Variants in KCTD15 observed in about 807,000 individuals in gnomAD.
The protein encoded by KCTD15 is BTB/POZ domain-containing protein KCTD15.
A neutral mutation model predicts 27.2 loss-of-function variants in KCTD15; 11 were observed. The observed-to-expected ratio is 0.41, with a 90% CI of 0.25 to 0.67. KCTD15 has a LOEUF of 0.67. KCTD15 is among the 30% of genes least tolerant of loss of function. The pLI, the probability that KCTD15 is intolerant of heterozygous loss-of-function variation, is 0.35. For synonymous variants in KCTD15, 163 were observed against 176.0 expected (o/e 0.93, Z 0.58); for missense variants, 350 against 409.3 (o/e 0.86, Z 1.25).
At chr19:33,806,118 G>A (rs1033331883) in intron 4 of KCTD15, among the ~76,000 whole-genome samples, 2 of 152,212 alleles carry the variant, frequency 1.3e-5, no homozygotes, top group Non-Finnish European at 2.9e-5. Flanking sequence ...GTGTATGCCT[G>A]TGTTGTGGCA....
intron 4 of KCTD15, 168 bp downstream of exon 4, chr19:33,801,510 G>C: frequency 1.7e-6 from 1 of 574,728 alleles, no homozygotes; most frequent in South Asian, 2.6e-5. Flanking sequence ...GTCCAAGTCT[G>C]CCTGTTGAAA....
At chr19:33,811,874 A>T in intron 6 of KCTD15, 1 of 1,595,304 alleles carries the variant, frequency 6.3e-7, no homozygotes, top group Non-Finnish European at 8.5e-7. Context: ...ATTCGAACTA[A>T]ACCCAGGCAA....
intron 3 of KCTD15, 76 bp from the exon 4 acceptor site, chr19:33,801,091 G>T (rs1218011933): frequency 7.4e-7 from 1 of 1,354,854 alleles, no homozygotes; most frequent in East Asian, 2.3e-5. Context: ...AATAAAGGGA[G>T]TGCATGGCTG....
intron 5 of KCTD15, among the ~76,000 whole-genome samples, chr19:33,808,381 C>T (rs1286957909): frequency 1.3e-5 from 2 of 152,138 alleles, no homozygotes; most frequent in Non-Finnish European, 2.9e-5. Context: ...GTCCATGTGA[C>T]CTGGGCTGGG....
chr19:33,815,014 A>G lies in KCTD15; in HGVS notation c.*2066A>G, dbSNP rs1480686662. Reference sequence around the variant, plus strand: ...CTGCGTTTTGGCATCTGAGGCTCCCATCTGAGTGGAGGAGAAAGTGTTGTG... The same window carrying G: ...CTGCGTTTTGGCATCTGAGGCTCCCGTCTGAGTGGAGGAGAAAGTGTTGTG... On this transcript the variant is annotated 3_prime_UTR_variant, in exon 7 of 7. Transcript: ENST00000683859. The G allele has an allele frequency of 6.6e-6, 1 of 152,188 alleles. No individual in the cohort carries two copies. The highest frequency in any genetic ancestry group is 1.5e-5 in the Non-Finnish European group (1 of 68,040). The allele number at this position is 152,188 out of a possible 1,614,324, so 9.4% of individuals were successfully genotyped here. A position where few individuals can be genotyped will look rare whatever the true frequency, so the allele number is the denominator to read the frequency against.
intron 4 of KCTD15, among the ~76,000 whole-genome samples, chr19:33,803,561 G>A (rs558118932): frequency 6.6e-6 from 1 of 152,148 alleles, no homozygotes; most frequent in East Asian, 1.9e-4. Flanking sequence ...GGTTGGGGTG[G>A]CCTGGGTGCT....
intron 1 of KCTD15, chr19:33,797,466 C>T (rs1438035557): frequency 2.1e-5 from 9 of 437,290 alleles, no homozygotes; most frequent in Non-Finnish European, 3.7e-5. Context: ...GACAGATGTG[C>T]GTCCTCTGAC....
chr19:33,804,628 C>T (rs1975659077), intron 4 of KCTD15, among the ~76,000 whole-genome samples: 1 of 152,234 alleles, frequency 6.6e-6, no homozygotes, highest in Non-Finnish European at 1.5e-5. Flanking sequence ...CAGCCTGGGA[C>T]AGACCCATCT....
In KCTD15 at chr19:33,797,263, TGTGTGTGTGTGTGTGTGTGTGCGC is replaced by T. The variant is rs1291676300; in HGVS notation, c.-127+278_-127+301del. Reference sequence around the variant, plus strand: ...CTGCCGCGCGGTGTGTGTGTGTGTGTGTGTGTGTGTGTGTGTGTGTGCGCGCGCGCGCGCGCGCGCTTGTGGAGG... The same window carrying T: ...CTGCCGCGCGGTGTGTGTGTGTGTGTGCGCGCGCGCGCGCGCTTGTGGAGG... On this transcript the variant is annotated intron_variant, in intron 1 of 6. Coordinates refer to ENST00000683859, the MANE Select transcript of KCTD15 (RefSeq NM_001129994.2). 1.1e-5 allele frequency: 3 copies of T among 282,872 alleles called. No individual in the cohort carries two copies. In the African/African-American group the frequency reaches 1.1e-4, roughly 11 times the overall value. 17.5% of individuals were successfully genotyped at this position (282,872 alleles called of 1,614,324 possible).
At chr19:33,797,350 T>G (rs1975368988) in intron 1 of KCTD15, 2 of 451,144 alleles carry the variant, frequency 4.4e-6, no homozygotes, top group South Asian at 3.1e-5. Context: ...CCGAGCGCCC[T>G]GCAGAGCTGG....
intron 5 of KCTD15, among the ~76,000 whole-genome samples, chr19:33,809,030 G>C (rs1975800712): frequency 6.6e-6 from 1 of 151,938 alleles, no homozygotes; most frequent in African/African-American, 2.4e-5. Flanking sequence ...TAATTCTAGC[G>C]CTTTGGGAGG....
intron 5 of KCTD15, among the ~76,000 whole-genome samples, chr19:33,808,539 G>A (rs1344245153): frequency 1.3e-5 from 2 of 152,054 alleles, no homozygotes; most frequent in Non-Finnish European, 2.9e-5. Flanking sequence ...GAGCTTTATG[G>A]ACTGGGAGGG....
chr19:33,800,567 C>T (rs1471404147), intron 3 of KCTD15, 47 bp downstream of exon 3: 1 of 1,517,792 alleles, frequency 6.6e-7, no homozygotes, highest in Admixed American at 2.0e-5. Context: ...TTCCCTCTTT[C>T]CCTTCTTCCC....
At chr19:33,811,589 C>G in intron 6 of KCTD15, 37 bp downstream of exon 6, 1 of 1,573,048 alleles carries the variant, frequency 6.4e-7, no homozygotes, top group South Asian at 1.2e-5. Context: ...CGCCGCACCC[C>G]CGGCGTCCGC....
rs149613370 is a variant in KCTD15, at chr19:33,800,517, C to G, written c.63C>G (p.Thr21=). 3.8e-6 allele frequency: 6 copies of G among 1,592,730 alleles called. No individual in the cohort carries two copies. Among genetic ancestry groups the G allele is most frequent in the Non-Finnish European group, 4.3e-6 (5 of 1,170,774 alleles). ...TTCACACACACGGCAGCACCGGCAC[C>G]GCGGTGAGCCTGCAGGGTGGGCTGG... ...SSLHTHGSTG[T]AEGGNMSRLS... The change falls in exon 3 of 7, where the codon ACC becomes ACG. Residue 21 remains threonine, a synonymous_variant. Coordinates refer to ENST00000683859, the MANE Select transcript of KCTD15 (RefSeq NM_001129994.2).
chr19:33,804,699 C>G (rs1019321603), intron 4 of KCTD15, among the ~76,000 whole-genome samples: 18 of 152,182 alleles, frequency 1.2e-4, no homozygotes, highest in African/African-American at 4.3e-4. Flanking sequence ...TCTACTAGGC[C>G]AGGTCCTAGG....
At chr19:33,794,879 G>A (rs1410122550), upstream of KCTD15, among the ~76,000 whole-genome samples, 1 of 152,244 alleles carries the variant, frequency 6.6e-6, no homozygotes, top group African/African-American at 2.4e-5. Context: ...TCTCGGGCCG[G>A]GCCGGGCCTG....
chr19:33,801,980 C>T (rs1975568362), intron 4 of KCTD15, among the ~76,000 whole-genome samples: 6 of 152,146 alleles, frequency 3.9e-5, no homozygotes. Flanking sequence ...GGCCAGGACC[C>T]TGGTTGGGGG....
chr19:33,799,734 G>A (rs1385303354), intron 2 of KCTD15: 3 of 152,428 alleles, frequency 2.0e-5, no homozygotes, highest in Non-Finnish European at 4.4e-5. Flanking sequence ...TGATCCTGAG[G>A]GGTCTGGAAT....
Sources: gnomAD v4.1 joint callset for allele counts (sites outside exome capture counted in the v4.1 genomes callset) on GRCh38, gnomAD v4.1.1 for gene constraint, MANE v1.5 for transcripts, NCBI Gene and HGNC (gene_info 2026-07-23, HGNC 2026-07-21) for gene names.